TFCP2L1: variants seen among roughly 807,000 people sequenced by gnomAD.
TFCP2L1 encodes transcription factor CP2 like 1.
TFCP2L1 carries 12 observed loss-of-function variants against 72.2 expected under a neutral mutation model. The observed-to-expected ratio is 0.17, with a 90% CI of 0.11 to 0.27. The LOEUF (loss-of-function observed/expected upper bound fraction) is 0.27, where lower values mean the gene tolerates loss of function less well. Ranked by LOEUF, TFCP2L1 falls within the 10% of genes least tolerant of loss-of-function variation. TFCP2L1 has a pLI of 1.00. For missense variants in TFCP2L1, 488 were observed against 624.6 expected (o/e 0.78, Z 2.33); for synonymous variants, 260 against 251.0 (o/e 1.04, Z -0.34).
At chr2:121,278,327 C>T (rs1240759859) in intron 2 of TFCP2L1, among the ~76,000 whole-genome samples, 8 of 149,338 alleles carry the variant, frequency 5.4e-5, no homozygotes, top group Admixed American at 4.0e-4. Flanking sequence ...TGAGCCACTG[C>T]GCCCGGCCCT....
rs113145574 is a variant in TFCP2L1 at position 121,222,651 on chromosome 2, G to T, written c.*1690C>A. 6.6e-6 allele frequency: 1 copy of T among 152,212 alleles called. No homozygotes were observed. The highest frequency in any genetic ancestry group is 1.5e-5 in the Non-Finnish European group (1 of 68,046). 9.4% of individuals were successfully genotyped at this position (152,212 alleles called of 1,614,324 possible). A position where few individuals can be genotyped will look rare whatever the true frequency, so the allele number is the denominator to read the frequency against. ...TGGACTGCAGGAGTTAGGAAAGCAG[G>T]AGTGACAGACCAAGGGTACGGGGTT... is the stretch of plus-strand genomic sequence containing the variant. On this transcript the variant is annotated 3_prime_UTR_variant, in exon 15 of 15. Transcript: ENST00000263707.
chr2:121,240,564 C>A (rs781534551), intron 7 of TFCP2L1: 2 of 985,390 alleles, frequency 2.0e-6, no homozygotes, highest in Non-Finnish European at 2.4e-6. Context: ...AAGTGGCAGC[C>A]GGTGCCTCCC....
In TFCP2L1 at chr2:121,221,343, C is replaced by T. The variant is rs1685925748; in HGVS notation, c.*2998G>A. 1 of 150,206 alleles carries T rather than the reference C, an allele frequency of 6.7e-6. No individual in the cohort carries two copies. The highest frequency in any genetic ancestry group is 2.5e-5 in the African/African-American group (1 of 40,600). 9.3% of individuals were successfully genotyped at this position (150,206 alleles called of 1,614,324 possible). ...CCGTTGACTCAGGTAAAGAGGGAGA[C>T]AGCAAGAACAGAGTAGAAAGGCAGC... On this transcript the variant is annotated 3_prime_UTR_variant, in exon 15 of 15. Coordinates refer to ENST00000263707, the MANE Select transcript of TFCP2L1 (RefSeq NM_014553.3).
intron 13 of TFCP2L1, among the ~76,000 whole-genome samples, chr2:121,228,156 T>C (rs1686068694): frequency 6.6e-6 from 1 of 152,230 alleles, no homozygotes; most frequent in Non-Finnish European, 1.5e-5. Flanking sequence ...ATCGCCTACT[T>C]AGGCGAGGTG....
chr2:121,252,518 G>C (rs1198748603), intron 2 of TFCP2L1, among the ~76,000 whole-genome samples: 1 of 152,174 alleles, frequency 6.6e-6, no homozygotes, highest in Non-Finnish European at 1.5e-5. Context: ...TCTGAGACGA[G>C]GAAGTCACCC....
chr2:121,224,845 C>A (rs1685992130), intron 14 of TFCP2L1, among the ~76,000 whole-genome samples: 2 of 152,290 alleles, frequency 1.3e-5, no homozygotes, highest in Non-Finnish European at 2.9e-5. Context: ...ATTAGCCGGG[C>A]CTGGTGGCGG....
intron 14 of TFCP2L1, among the ~76,000 whole-genome samples, chr2:121,224,853 C>T (rs971184929): frequency 3.3e-5 from 5 of 152,144 alleles, no homozygotes; most frequent in African/African-American, 7.2e-5. Context: ...GGCCTGGTGG[C>T]GGGCGCCTGT....
At chr2:121,284,660 C>G (rs1266214638) in intron 1 of TFCP2L1, among the ~76,000 whole-genome samples, 1 of 152,210 alleles carries the variant, frequency 6.6e-6, no homozygotes, top group Admixed American at 6.5e-5. Context: ...TTCCCCGGGC[C>G]GGGCACCAGG....
At chr2:121,269,976 TGAAA>T in intron 2 of TFCP2L1, among the ~76,000 whole-genome samples, 1 of 148,824 alleles carries the variant, frequency 6.7e-6, no homozygotes, top group East Asian at 2.0e-4. Flanking sequence ...ATGAAATGAA[TGAAA>T]AAGTGGGAAA....
In TFCP2L1 at chr2:121,224,075, A is replaced by G. The variant is rs1384581532; in HGVS notation, c.*266T>C. ...CCACTGTTTGCCCTTTTAGAACGTC[A>G]GGGTTGGACCAATAGAAAAGAACAA... On this transcript the variant is annotated 3_prime_UTR_variant, in exon 15 of 15. Coordinates refer to ENST00000263707, the MANE Select transcript of TFCP2L1 (RefSeq NM_014553.3). 1.9e-6 allele frequency: 1 copy of G among 535,348 alleles called. No individual in the cohort carries two copies. Among genetic ancestry groups the G allele is most frequent in the Admixed American group, 3.3e-5 (1 of 30,498 alleles). The allele number at this position is 535,348 out of a possible 1,614,324, so 33.2% of individuals were successfully genotyped here.
At chr2:121,260,653 A>C (rs953847890) in intron 2 of TFCP2L1, among the ~76,000 whole-genome samples, 1 of 152,196 alleles carries the variant, frequency 6.6e-6, no homozygotes, top group African/African-American at 2.4e-5. Flanking sequence ...GGATAACTCC[A>C]CCAGGCCATC....
intron 7 of TFCP2L1, among the ~76,000 whole-genome samples, chr2:121,241,861 A>G (rs1246210257): frequency 6.6e-6 from 1 of 152,164 alleles, no homozygotes; most frequent in East Asian, 1.9e-4. Flanking sequence ...AATAATGGAA[A>G]AAAGCAAGTT....
intron 2 of TFCP2L1, among the ~76,000 whole-genome samples, chr2:121,273,991 G>A (rs895827913): frequency 6.6e-6 from 1 of 151,832 alleles, no homozygotes; most frequent in African/African-American, 2.4e-5. Context: ...CTACTCGGGA[G>A]GCTGAGGCAG....
At chr2:121,241,998 C>G (rs1460874730) in intron 7 of TFCP2L1, among the ~76,000 whole-genome samples, 1 of 141,654 alleles carries the variant, frequency 7.1e-6, no homozygotes, top group Non-Finnish European at 1.5e-5. Flanking sequence ...AACCATGAAG[C>G]TGGGATGGCA....
At position 121,239,701 on chromosome 2, in the gene TFCP2L1, G is replaced by A. The variant is rs769222879; in HGVS notation, c.769-52C>T. On this transcript the variant is annotated intron_variant, in intron 7 of 14. Coordinates refer to ENST00000263707, the MANE Select transcript of TFCP2L1 (RefSeq NM_014553.3). ...GGGATCTGGAGAGGCGCTGAGCCGT[G>A]CTCCCCAGGTCCTCCCAAGCAGGCA... 15 of 1,549,738 alleles carry A rather than the reference G, an allele frequency of 9.7e-6. No homozygotes were observed. The African/African-American group carries it at 1.6e-4, about 17-fold the overall frequency.
chr2:121,249,186 C>T (rs888347258), intron 3 of TFCP2L1, 99 bp from the exon 4 acceptor site: 10 of 909,022 alleles, frequency 1.1e-5, no homozygotes, highest in East Asian at 2.9e-5. Context: ...ACCTTTGAGG[C>T]CCCTCCCCCT....
At chr2:121,241,367 A>G (rs1022807784) in intron 7 of TFCP2L1, among the ~76,000 whole-genome samples, 3 of 152,184 alleles carry the variant, frequency 2.0e-5, no homozygotes, top group Non-Finnish European at 4.4e-5. Context: ...ATGATGGCAC[A>G]TGCCTGTAAT....
chr2:121,237,558 G>C (rs912894782), intron 10 of TFCP2L1, 65 bp downstream of exon 10: 22 of 1,560,020 alleles, frequency 1.4e-5, no homozygotes, highest in Non-Finnish European at 1.9e-5. Flanking sequence ...AGGCCTGGAA[G>C]GTGGCCAGCC....
intron 1 of TFCP2L1, 114 bp downstream of exon 1, chr2:121,284,934 A>G: frequency 1.1e-6 from 1 of 929,592 alleles, no homozygotes; most frequent in South Asian, 2.9e-5. Context: ...CAGAGGGCGG[A>G]CAGCGGGGAG....
Sources: allele counts gnomAD v4.1 joint callset (sites outside exome capture counted in the v4.1 genomes callset), GRCh38; gene constraint gnomAD v4.1.1; transcripts MANE v1.5; gene names NCBI Gene and HGNC (gene_info 2026-07-23, HGNC 2026-07-21).